The following CCDC141 variants were observed in gnomAD, a reference collection of about 807,000 sequenced individuals.
CCDC141 encodes coiled-coil domain-containing protein 141.
CCDC141 carries 168 observed loss-of-function variants against 181.0 expected under a neutral mutation model. The ratio of observed to expected loss-of-function variants is 0.93; its 90% CI spans 0.82 to 1.05. CCDC141 has a LOEUF of 1.05. CCDC141 is among the 50% of genes least tolerant of loss of function. The pLI, the probability that CCDC141 is intolerant of heterozygous loss-of-function variation, is 0.00. For missense variants in CCDC141, 1,902 were observed against 1,788.5 expected (o/e 1.06, Z -1.14); for synonymous variants, 666 against 642.3 (o/e 1.04, Z -0.56).
intron 20 of CCDC141, among the ~76,000 whole-genome samples, chr2:178,850,379 T>C (rs1287106811): frequency 2.0e-5 from 3 of 152,372 alleles, no homozygotes; most frequent in African/African-American, 7.2e-5. Context: ...GCCACTTGCA[T>C]GTAACCTAAA....
chr2:178,952,252 C>G (rs1226479420), intron 5 of CCDC141, among the ~76,000 whole-genome samples: 2 of 152,062 alleles, frequency 1.3e-5, no homozygotes, highest in Non-Finnish European at 2.9e-5. Context: ...ATTTTGTATG[C>G]TAGTGATTAT....
chr2:178,871,758 C>T (rs1242023445), intron 13 of CCDC141, among the ~76,000 whole-genome samples: 5 of 151,974 alleles, frequency 3.3e-5, no homozygotes, highest in Non-Finnish European at 7.4e-5. Flanking sequence ...TGGTAAAATA[C>T]ACATAACAAA....
chr2:178,921,530 C>G (rs768616107), intron 6 of CCDC141, among the ~76,000 whole-genome samples: 1 of 151,906 alleles, frequency 6.6e-6, no homozygotes, highest in Non-Finnish European at 1.5e-5. Context: ...CAAAGTAAAA[C>G]AGGTTTTTTT....
rs979978871 is a variant in CCDC141, at chr2:178,944,667, C to T, written c.781-16G>A. ...AACAAGTAACCTAGGTAAAAGGCAA[C>T]AAAGAAAGATCAAAATTCAAATGAT... On this transcript the variant is annotated splice_polypyrimidine_tract_variant and intron_variant, in intron 5 of 23. Coordinates refer to ENST00000443758, the MANE Select transcript of CCDC141 (RefSeq NM_173648.4). 1.1e-5 allele frequency: 13 copies of T among 1,180,992 alleles called. No homozygotes were observed. Among genetic ancestry groups the T allele is most frequent in the African/African-American group, 9.3e-5 (6 of 64,326 alleles). 73.2% of individuals were successfully genotyped at this position (1,180,992 alleles called of 1,614,324 possible). A position where few individuals can be genotyped will look rare whatever the true frequency, so the allele number is the denominator to read the frequency against.
At position 178,942,320 on chromosome 2, in the gene CCDC141, T is replaced by C. The variant is rs908871056; in HGVS notation, c.897+2215A>G. On this transcript the variant is annotated intron_variant, in intron 6 of 23. Transcript: ENST00000443758. ...GCTTGTCTAGAATATTATTTATTTC[T>C]AAACACGAATGAGCTATCAAGCCAT... 3.3e-5 allele frequency among the ~76,000 whole-genome samples: 5 copies of C among 152,136 alleles called. No individual in the cohort carries two copies. The East Asian group carries it at 9.6e-4, about 29-fold the overall frequency.
intron 4 of CCDC141, among the ~76,000 whole-genome samples, chr2:178,968,877 CA>C (rs1559015176): frequency 6.6e-6 from 1 of 151,680 alleles, no homozygotes; most frequent in East Asian, 1.9e-4. Context: ...ATGAAATAGG[CA>C]CAATAAAAAA....
chr2:178,856,273 T>C lies in CCDC141; in HGVS notation c.2849A>G (p.Tyr950Cys). 5 of 1,609,164 alleles carry C rather than the reference T, an allele frequency of 3.1e-6. No homozygotes were observed. Among genetic ancestry groups the C allele is most frequent in the Non-Finnish European group, 4.2e-6 (5 of 1,177,846 alleles). The stretch of plus-strand genomic sequence containing the variant: ...TCTTGTTACCTGCATTTTTTCAGCA[T>C]ACATATCAACTTGCTGAATTTGATA... Reference protein sequence around the residue: ...LKYQIQQVDMYAEKMQALKRK... With the variant: ...LKYQIQQVDMCAEKMQALKRK... The change falls in exon 18 of 24, where the codon TAT becomes TGT. Residue 950 changes from tyrosine to cysteine, a missense_variant. Coordinates refer to ENST00000443758, the MANE Select transcript of CCDC141 (RefSeq NM_173648.4).
At chr2:178,934,251 A>C (rs1575235265) in intron 6 of CCDC141, among the ~76,000 whole-genome samples, 1 of 152,162 alleles carries the variant, frequency 6.6e-6, no homozygotes, top group Admixed American at 6.6e-5. Context: ...AGGGAGTTCT[A>C]TTATACGAAC....
intron 5 of CCDC141, among the ~76,000 whole-genome samples, chr2:178,945,198 A>G (rs1689679551): frequency 6.6e-6 from 1 of 152,170 alleles, no homozygotes; most frequent in Non-Finnish European, 1.5e-5. Flanking sequence ...ACAGTGCTGA[A>G]ACTACAAATA....
chr2:178,896,828 A>G (rs933177136), intron 8 of CCDC141, among the ~76,000 whole-genome samples: 2 of 152,110 alleles, frequency 1.3e-5, no homozygotes, highest in Non-Finnish European at 2.9e-5. Flanking sequence ...AGTAGTACCC[A>G]TTTCACAGGG....
intron 3 of CCDC141, among the ~76,000 whole-genome samples, chr2:178,978,020 A>G (rs1691201820): frequency 1.3e-5 from 2 of 152,202 alleles, no homozygotes; most frequent in African/African-American, 4.8e-5. Context: ...AAAATGCTAT[A>G]TTTATGAATC....
intron 4 of CCDC141, among the ~76,000 whole-genome samples, chr2:178,973,575 G>T (rs915344086): frequency 6.6e-6 from 1 of 152,052 alleles, no homozygotes; most frequent in Non-Finnish European, 1.5e-5. Flanking sequence ...CAGATCCTAG[G>T]AACTTGAAGG....
chr2:178,886,522 T>C (rs1686893228), intron 10 of CCDC141, among the ~76,000 whole-genome samples: 1 of 152,114 alleles, frequency 6.6e-6, no homozygotes, highest in Non-Finnish European at 1.5e-5. Context: ...AAATGAGTGT[T>C]TAATACCCAG....
intron 2 of CCDC141, among the ~76,000 whole-genome samples, chr2:179,042,646 C>T (rs2043344393): frequency 6.6e-6 from 1 of 152,132 alleles, no homozygotes; most frequent in South Asian, 2.1e-4. Flanking sequence ...CTGTGCCCAG[C>T]CTAAGAAGTT....
intron 12 of CCDC141, chr2:178,874,453 A>T (rs770644099): frequency 1.3e-5 from 2 of 152,230 alleles, no homozygotes; most frequent in African/African-American, 2.4e-5. Context: ...TTAGATATAG[A>T]TACAAAATAT....
intron 4 of CCDC141, among the ~76,000 whole-genome samples, chr2:178,963,903 G>C (rs1320609465): frequency 1.6e-5 from 2 of 121,686 alleles, no homozygotes; most frequent in Admixed American, 2.0e-4. Flanking sequence ...AATTCAACCA[G>C]GTGAGAAGAA....
At chr2:178,863,664 G>A (rs552927613) in intron 17 of CCDC141, among the ~76,000 whole-genome samples, 1 of 152,236 alleles carries the variant, frequency 6.6e-6, no homozygotes, top group South Asian at 2.1e-4. Flanking sequence ...CCTGTGGTGG[G>A]AAAGTCCAGG....
Position 178,888,545 on chromosome 2 carries a change from C to T in CCDC141, c.1389G>A (p.Val463=), listed in dbSNP as rs1289264942. Residue 463 remains valine (V), a synonymous_variant, in exon 9 of 24, where the codon GTG becomes GTA. Transcript: ENST00000443758. ...ALKKQQLTAS[V]EGYLRKVEMS... ...AAACTACCTTCCGTAGGTAACCCTCCACTGAGGCTGTTAGTTGTTGTTTCT... is the reference window on the plus strand; with the variant it reads ...AAACTACCTTCCGTAGGTAACCCTCTACTGAGGCTGTTAGTTGTTGTTTCT... 6.5e-7 allele frequency: 1 copy of T among 1,550,316 alleles called. No homozygotes were observed. The highest frequency in any genetic ancestry group is 1.2e-5 in the South Asian group (1 of 84,048).
intron 14 of CCDC141, among the ~76,000 whole-genome samples, chr2:178,869,829 A>G (rs956112486): frequency 6.6e-6 from 1 of 152,218 alleles, no homozygotes; most frequent in South Asian, 2.1e-4. Flanking sequence ...ATGATCCACA[A>G]ATAGCCATCA....
Sources: allele counts gnomAD v4.1 joint callset (sites outside exome capture counted in the v4.1 genomes callset), GRCh38; gene constraint gnomAD v4.1.1; transcripts MANE v1.5; gene names NCBI Gene and HGNC (gene_info 2026-07-23, HGNC 2026-07-21).